The following RPS6KC1 variants were observed in gnomAD, a reference collection of about 807,000 sequenced individuals.
RPS6KC1 encodes ribosomal protein S6 kinase C1, also known as inactive ribosomal protein S6 kinase delta-1.
A neutral mutation model predicts 103.8 loss-of-function variants in RPS6KC1; 54 were observed. That is an observed-to-expected ratio of 0.52 (90% CI 0.42 to 0.65). The LOEUF is 0.65. RPS6KC1 is among the 30% of genes least tolerant of loss of function. RPS6KC1 has a pLI of 0.00. For synonymous variants in RPS6KC1, 439 were observed against 438.7 expected (o/e 1.00, Z -0.01); for missense variants, 1,151 against 1,253.8 (o/e 0.92, Z 1.24).
At chr1:213,149,718 A>G (rs2088402167) in intron 6 of RPS6KC1, among the ~76,000 whole-genome samples, 1 of 152,172 alleles carries the variant, frequency 6.6e-6, no homozygotes, top group East Asian at 1.9e-4. Context: ...TCTGTCTGGA[A>G]GATCTGTCCA....
In RPS6KC1 at chr1:213,230,482, G is replaced by T; in HGVS notation, c.1045-15G>T. On this transcript the variant is annotated splice_polypyrimidine_tract_variant and intron_variant, in intron 8 of 14. Coordinates refer to ENST00000366960, the MANE Select transcript of RPS6KC1 (RefSeq NM_012424.6). ...TTGTATTGTTAATAAATTATTACTC[G>T]TGTCTTTTATGTAGGTTTTACTTGT... 1 of 1,559,970 alleles carries T rather than the reference G, an allele frequency of 6.4e-7. No homozygotes were observed.
chr1:213,101,006 A>G (rs138979980), intron 3 of RPS6KC1, among the ~76,000 whole-genome samples: 1 of 152,146 alleles, frequency 6.6e-6, no homozygotes, highest in Admixed American at 6.5e-5. Flanking sequence ...AATCTCAAAC[A>G]TGCCTTCCAC....
chr1:213,722,289 A>G, the RPS6KC1 span, among the ~76,000 whole-genome samples: 1 of 152,156 alleles, frequency 6.6e-6, no homozygotes, highest in African/African-American at 2.4e-5. Context: ...GAAACATGAC[A>G]AACTCCTCCA....
chr1:213,548,079 G>GT, the RPS6KC1 span, among the ~76,000 whole-genome samples: 1 of 152,182 alleles, frequency 6.6e-6, no homozygotes, highest in Non-Finnish European at 1.5e-5. Context: ...AGTAACTGCA[G>GT]TTTTTGCAAT....
chr1:213,151,004 C>G (rs1358097635), intron 6 of RPS6KC1, among the ~76,000 whole-genome samples: 8 of 121,438 alleles, frequency 6.6e-5, no homozygotes, highest in Non-Finnish European at 8.7e-5. Context: ...TGACCCCCCC[C>G]ACCTCCCTCC....
At chr1:213,725,518 G>A in the RPS6KC1 span, among the ~76,000 whole-genome samples, 1 of 152,206 alleles carries the variant, frequency 6.6e-6, no homozygotes, top group Non-Finnish European at 1.5e-5. Flanking sequence ...TCAGTGTCCT[G>A]TGGCGTGGCC....
the RPS6KC1 span, among the ~76,000 whole-genome samples, chr1:213,513,675 G>A: frequency 6.6e-6 from 1 of 152,194 alleles, no homozygotes; most frequent in Non-Finnish European, 1.5e-5. Context: ...CCATTTGAAT[G>A]CCTGCCATGC....
chr1:213,185,657 G>GA (rs552191443), intron 8 of RPS6KC1, among the ~76,000 whole-genome samples: 13 of 146,188 alleles, frequency 8.9e-5, no homozygotes, highest in African/African-American at 1.0e-4. Flanking sequence ...GTCTCAAAAA[G>GA]AAAAAAAAAA....
chr1:213,456,306 A>G, the RPS6KC1 span, among the ~76,000 whole-genome samples: 1 of 152,110 alleles, frequency 6.6e-6, no homozygotes, highest in Non-Finnish European at 1.5e-5. Flanking sequence ...TTATATATTC[A>G]TATATACTTT....
downstream of RPS6KC1, among the ~76,000 whole-genome samples, chr1:213,278,987 T>C (rs1224694284): frequency 6.6e-6 from 1 of 152,082 alleles, no homozygotes; most frequent in Non-Finnish European, 1.5e-5. Context: ...TGGAAAGCTA[T>C]GCGTATTCTG....
chr1:213,362,700 T>C, the RPS6KC1 span, among the ~76,000 whole-genome samples: 5 of 152,210 alleles, frequency 3.3e-5, no homozygotes, highest in Admixed American at 6.5e-5. Flanking sequence ...TCCAGATATG[T>C]GGTCAAACAT....
At chr1:213,294,726 G>A in the RPS6KC1 span, among the ~76,000 whole-genome samples, 3 of 152,252 alleles carry the variant, frequency 2.0e-5, no homozygotes, top group South Asian at 4.2e-4. Context: ...CTAGCAATTT[G>A]TTCATCTTCT....
At chr1:213,533,003 T>A in the RPS6KC1 span, among the ~76,000 whole-genome samples, 3 of 152,252 alleles carry the variant, frequency 2.0e-5, no homozygotes, top group Non-Finnish European at 2.9e-5. Context: ...CCAAAAGGTG[T>A]TACACAGGAC....
Position 213,214,630 on chromosome 1 carries a change from A to T in RPS6KC1, c.1045-15867A>T, listed in dbSNP as rs892079228. ...GCCTAACTGGGAGGCACCCCCCAGTAGGGGCAGACTGACACCTCACATGGC... is the reference window on the plus strand; with the variant it reads ...GCCTAACTGGGAGGCACCCCCCAGTTGGGGCAGACTGACACCTCACATGGC... On this transcript the variant is annotated intron_variant, in intron 8 of 14. Coordinates refer to ENST00000366960, the MANE Select transcript of RPS6KC1 (RefSeq NM_012424.6). 2.0e-5 allele frequency among the ~76,000 whole-genome samples: 3 copies of T among 152,204 alleles called. No individual in the cohort carries two copies. The East Asian group carries it at 5.8e-4, about 29-fold the overall frequency.
At chr1:213,444,797 G>A in the RPS6KC1 span, among the ~76,000 whole-genome samples, 1 of 148,350 alleles carries the variant, frequency 6.7e-6, no homozygotes, top group South Asian at 2.1e-4. Flanking sequence ...AAAAAATGAA[G>A]TTGGTGGACT....
the RPS6KC1 span, among the ~76,000 whole-genome samples, chr1:213,352,374 A>G: frequency 6.6e-6 from 1 of 152,228 alleles, no homozygotes; most frequent in South Asian, 2.1e-4. Context: ...CAAATTATTA[A>G]TTGAAACATG....
chr1:213,551,350 G>A, the RPS6KC1 span, among the ~76,000 whole-genome samples: 5 of 152,122 alleles, frequency 3.3e-5, no homozygotes, highest in Admixed American at 1.3e-4. Flanking sequence ...ACAAAAGGGG[G>A]AAGGAAAGTG....
the RPS6KC1 span, among the ~76,000 whole-genome samples, chr1:213,481,068 A>G: frequency 6.6e-6 from 1 of 151,964 alleles, no homozygotes; most frequent in South Asian, 2.1e-4. Flanking sequence ...ATTGGTCTAT[A>G]TTTTTCTTTT....
chr1:213,822,071 G>A, the RPS6KC1 span: 1 of 152,200 alleles, frequency 6.6e-6, no homozygotes, highest in African/African-American at 2.4e-5. Context: ...CTGTTGGTCT[G>A]ACAGTTTCTC....
Sources: allele counts gnomAD v4.1 joint callset (sites outside exome capture counted in the v4.1 genomes callset), GRCh38; gene constraint gnomAD v4.1.1; transcripts MANE v1.5; gene names NCBI Gene and HGNC (gene_info 2026-07-23, HGNC 2026-07-21).